Variants in GPRC5B observed in about 807,000 individuals in gnomAD.
The protein encoded by GPRC5B is G protein-coupled receptor family C group 5 member B.
GPRC5B carries 16 observed loss-of-function variants against 30.1 expected under a neutral mutation model. The ratio of observed to expected loss-of-function variants is 0.53; its 90% CI spans 0.36 to 0.81. GPRC5B has a LOEUF of 0.81. Ranked by LOEUF, GPRC5B falls within the 30% of genes least tolerant of loss-of-function variation. The pLI is 0.01. For missense variants in GPRC5B, 428 were observed against 544.7 expected (o/e 0.79, Z 2.13); for synonymous variants, 241 against 239.5 (o/e 1.01, Z -0.06).
chr16:19,875,005 T>C (rs1299924545), intron 1 of GPRC5B, among the ~76,000 whole-genome samples: 2 of 152,088 alleles, frequency 1.3e-5, no homozygotes, highest in East Asian at 3.9e-4. Flanking sequence ...CGTGTGGGGT[T>C]GTGACCAGCT....
chr16:19,857,510 C>T lies in GPRC5B; in HGVS notation c.*2990G>A. 2.4e-6 allele frequency: 1 copy of T among 414,828 alleles called. No individual in the cohort carries two copies. The allele number at this position is 414,828 out of a possible 1,614,324, so 25.7% of individuals were successfully genotyped here. On this transcript the variant is annotated 3_prime_UTR_variant, in exon 4 of 4. Transcript: ENST00000300571. ...GTACATTATAAAACACACATTAATG[C>T]ATTTAATAAATATATATTATCTATC...
chr16:19,860,685 GC>G, intron 3 of GPRC5B, 141 bp from the exon 4 acceptor site: 3 of 591,600 alleles, frequency 5.1e-6, no homozygotes, highest in Non-Finnish European at 9.1e-6. Context: ...AGGAGAGGCA[GC>G]AATGACTGTG....
rs2056837508 is a variant in GPRC5B at position 19,884,722 on chromosome 16, C to T, written c.-2+5G>A. The T allele has an allele frequency of 1.0e-6, 1 of 985,114 alleles. No individual in the cohort carries two copies. 61.0% of individuals were successfully genotyped at this position (985,114 alleles called of 1,614,324 possible). A position where few individuals can be genotyped will look rare whatever the true frequency, so the allele number is the denominator to read the frequency against. On this transcript the variant is annotated splice_donor_5th_base_variant and intron_variant, in intron 1 of 3. Transcript: ENST00000300571. ...CTCCACTGCATCGGCGCAGCTCGCACTTACCGACCCCCGCGGCCCCGCAGC... is the reference window on the plus strand; with the variant it reads ...CTCCACTGCATCGGCGCAGCTCGCATTTACCGACCCCCGCGGCCCCGCAGC...
Position 19,884,716 on chromosome 16 carries a change from C to A in GPRC5B, c.-2+11G>T. The stretch of plus-strand genomic sequence containing the variant: ...AGCGTCCTCCACTGCATCGGCGCAG[C>A]TCGCACTTACCGACCCCCGCGGCCC... On this transcript the variant is annotated intron_variant, in intron 1 of 3. Transcript: ENST00000300571. 4.1e-6 allele frequency: 4 copies of A among 985,222 alleles called. No homozygotes were observed. Among genetic ancestry groups the A allele is most frequent in the Non-Finnish European group, 4.8e-6 (4 of 829,856 alleles). 61.0% of individuals were successfully genotyped at this position (985,222 alleles called of 1,614,324 possible).
At chr16:19,863,983 A>T (rs538310608) in intron 2 of GPRC5B, among the ~76,000 whole-genome samples, 8 of 152,174 alleles carry the variant, frequency 5.3e-5, no homozygotes, top group Non-Finnish European at 1.2e-4. Flanking sequence ...GGTGCCAAAA[A>T]GTTTGGGGAC....
intron 1 of GPRC5B, among the ~76,000 whole-genome samples, chr16:19,877,317 T>C (rs1312209571): frequency 6.6e-6 from 1 of 152,220 alleles, no homozygotes; most frequent in Admixed American, 6.5e-5. Context: ...GAAGTTCTAA[T>C]GTTCCTCCCA....
In GPRC5B at chr16:19,856,796, A is replaced by C; in HGVS notation, c.*3704T>G. On this transcript the variant is annotated 3_prime_UTR_variant, in exon 4 of 4. Transcript: ENST00000300571. ...ATTCATTCATCCAGATTACTTCTTC[A>C]GTGCCTCAGGAGTATTCTTCTACAC... 2.1e-6 allele frequency: 1 copy of C among 482,636 alleles called. No homozygotes were observed. Among genetic ancestry groups the C allele is most frequent in the Non-Finnish European group, 3.7e-6 (1 of 270,878 alleles). 29.9% of individuals were successfully genotyped at this position (482,636 alleles called of 1,614,324 possible).
upstream of GPRC5B, chr16:19,884,935 C>A (rs2056839414): frequency 5.4e-6 from 5 of 917,758 alleles, no homozygotes; most frequent in Non-Finnish European, 5.2e-6. Context: ...GCCCCCGCCC[C>A]CGGCCGGCCC....
intron 1 of GPRC5B, among the ~76,000 whole-genome samples, chr16:19,878,926 GCCACCAGTGCTT>G: frequency 6.6e-6 from 1 of 152,322 alleles, no homozygotes; most frequent in Admixed American, 6.5e-5. Flanking sequence ...CGTGGGTCCA[GCCACCAGTGCTT>G]CCACCAGTGC....
At position 19,872,177 on chromosome 16, in the gene GPRC5B, G is replaced by T. The variant is rs761585329; in HGVS notation, c.669C>A (p.Cys223Ter). The T allele has an allele frequency of 1.9e-6, 3 of 1,613,990 alleles. No individual in the cohort carries two copies. The highest frequency in any genetic ancestry group is 1.3e-5 in the African/African-American group (1 of 74,918). The change falls in exon 2 of 4, where the codon TGC becomes TGA. Residue 223 changes from cysteine to a stop codon, truncating the protein, a stop_gained. Coordinates refer to ENST00000300571, the MANE Select transcript of GPRC5B (RefSeq NM_016235.3). LOFTEE classifies it high-confidence loss of function. The surrounding 1 kb of genome is among the most constrained non-coding windows in gnomAD (Gnocchi z 5.0). ...TCAGCTTCCACCTCTTGAACTTGCC[G>T]CACAGAGTGAAGAGGGCCAGCCCCA... ...VTLGLALFTL[C>*]GKFKRWKLNG...
intron 1 of GPRC5B, chr16:19,874,631 G>A (rs540245943): frequency 1.3e-5 from 2 of 152,368 alleles, no homozygotes; most frequent in South Asian, 4.2e-4. Flanking sequence ...GCATCGCTGG[G>A]TTCTACCCAC....
At chr16:19,871,229 G>A (rs1453637043) in intron 2 of GPRC5B, among the ~76,000 whole-genome samples, 7 of 131,838 alleles carry the variant, frequency 5.3e-5, no homozygotes, top group Non-Finnish European at 9.3e-5. Context: ...GCTGCAGTGA[G>A]CTATGATCAC....
At position 19,880,546 on chromosome 16, in the gene GPRC5B, G is replaced by T. The variant is rs148504643; in HGVS notation, c.-2+4181C>A. Among the ~76,000 whole-genome samples the T allele has an allele frequency of 4.2e-3, 634 of 152,242 alleles. 1 individual carries two copies. Among genetic ancestry groups the T allele is most frequent in the African/African-American group, 0.015 (605 of 41,558 alleles). On this transcript the variant is annotated intron_variant, in intron 1 of 3. Transcript: ENST00000300571. The stretch of plus-strand genomic sequence containing the variant: ...CTAGCCTCCCCCATCAAACATCAAC[G>T]AAAGAGGTCCCTGAGGTGGTGTGAA...
At position 19,857,368 on chromosome 16, in the gene GPRC5B, T is replaced by C; in HGVS notation, c.*3132A>G. 2.4e-6 allele frequency: 1 copy of C among 417,004 alleles called. No individual in the cohort carries two copies. 25.8% of individuals were successfully genotyped at this position (417,004 alleles called of 1,614,324 possible). ...AAATAAAACCTATCTGCCCATGGTT[T>C]ACAGCCTTTTAAATTTGTAATATTT... On this transcript the variant is annotated 3_prime_UTR_variant, in exon 4 of 4. Coordinates refer to ENST00000300571, the MANE Select transcript of GPRC5B (RefSeq NM_016235.3).
upstream of GPRC5B, chr16:19,885,112 C>A: frequency 1.1e-6 from 1 of 943,372 alleles, no homozygotes; most frequent in Non-Finnish European, 1.5e-6. The surrounding 1 kb of genome is among the most constrained non-coding windows in gnomAD (Gnocchi z 5.3). Flanking sequence ...CCCCCCACAA[C>A]GTCAGTGCGC....
chr16:19,877,758 G>A (rs1373440637), intron 1 of GPRC5B, among the ~76,000 whole-genome samples: 1 of 152,156 alleles, frequency 6.6e-6, no homozygotes, highest in African/African-American at 2.4e-5. Flanking sequence ...GAAGACAGCA[G>A]GCTTGTCCAA....
chr16:19,871,928 G>T lies in GPRC5B; in HGVS notation c.918C>A (p.Asn306Lys). The change falls in exon 2 of 4, where the codon AAC becomes AAA. Residue 306 changes from asparagine to lysine, a missense_variant. This residue lies in a region of GPRC5B where 213 missense variants were observed against 229.1 expected (regional missense o/e 0.93). Coordinates refer to ENST00000300571, the MANE Select transcript of GPRC5B (RefSeq NM_016235.3). ...LLPALQENTP[N>K]YFDTSQPRMR... Reference sequence around the variant, plus strand: ...TCCTGGGCTGCGACGTGTCGAAGTAGTTGGGCGTGTTCTCCTGCAGGGCTG... The same window carrying T: ...TCCTGGGCTGCGACGTGTCGAAGTATTTGGGCGTGTTCTCCTGCAGGGCTG... 1 of 1,614,084 alleles carries T rather than the reference G, an allele frequency of 6.2e-7. No individual in the cohort carries two copies. Among genetic ancestry groups the T allele is most frequent in the South Asian group, 1.1e-5 (1 of 91,076 alleles).
intron 1 of GPRC5B, among the ~76,000 whole-genome samples, chr16:19,876,595 C>T (rs1271863855): frequency 1.3e-5 from 2 of 152,212 alleles, no homozygotes; most frequent in African/African-American, 4.8e-5. Flanking sequence ...CAGCTCCTCC[C>T]ACTTCCTGCT....
intron 2 of GPRC5B, 163 bp from the exon 3 acceptor site, chr16:19,862,136 C>A: frequency 1.6e-6 from 1 of 628,954 alleles, no homozygotes; most frequent in South Asian, 1.9e-5. Flanking sequence ...CACAAAGGGG[C>A]TTTGTTCTCA....
Sources: gnomAD v4.1 joint callset for allele counts (sites outside exome capture counted in the v4.1 genomes callset) on GRCh38, gnomAD v4.1.1 for gene constraint, gnomAD v4.1.1 regional missense constraint, Gnocchi (gnomAD v3.1) non-coding constraint, MANE v1.5 for transcripts, NCBI Gene and HGNC (gene_info 2026-07-23, HGNC 2026-07-21) for gene names.